Variants in CSMD1 observed in about 807,000 individuals in gnomAD.
The protein encoded by CSMD1 is CUB and Sushi multiple domains 1, also known as CUB and sushi domain-containing protein 1.
CSMD1 carries 213 observed loss-of-function variants against 417.5 expected under a neutral mutation model. That is an observed-to-expected ratio of 0.51 (90% CI 0.46 to 0.57). The LOEUF (loss-of-function observed/expected upper bound fraction) is 0.57. Among genes scored for constraint, CSMD1 ranks in the 20% least tolerant of loss-of-function variants. The probability of loss-of-function intolerance (pLI) is 0.00; values close to 1 mark genes in which losing one functional copy is unlikely to be tolerated. For missense variants in CSMD1, 6,923 were observed against 4,529.7 expected, an observed-to-expected ratio of 1.53 and a Z score of -15.17; for synonymous variants, 2,862 against 1,736.8, an observed-to-expected ratio of 1.65 and a Z score of -16.11.
intron 2 of CSMD1, among the ~76,000 whole-genome samples, chr8:4,480,301 T>G (rs1801029066): frequency 6.6e-6 from 1 of 152,000 alleles, no homozygotes; most frequent in Non-Finnish European, 1.5e-5. Context: ...TTTGCACAAA[T>G]CACTTAACCT....
Position 3,491,391 on chromosome 8 carries a change from G to C in CSMD1, c.1448+2232C>G, listed in dbSNP as rs536706104. Reference sequence around the variant, plus strand: ...CAGGATTATAGTAAAGATCAAATAAGGTAAAATGTATTATGCATTTAACAC... The same window carrying C: ...CAGGATTATAGTAAAGATCAAATAACGTAAAATGTATTATGCATTTAACAC... On this transcript the variant is annotated intron_variant, in intron 11 of 69. Transcript: ENST00000635120. Among the ~76,000 whole-genome samples the C allele has an allele frequency of 1.0e-3, 155 of 152,154 alleles. 1 individual carries two copies. The highest frequency in any genetic ancestry group is 3.4e-3 in the African/African-American group (141 of 41,512).
chr8:3,598,290 C>T (rs931203), intron 8 of CSMD1: 14,933 of 152,200 alleles, frequency 0.098, 829 homozygotes, highest in East Asian at 0.17. Context: ...CAGACCTGCT[C>T]GGCTTCCTCG....
intron 2 of CSMD1, among the ~76,000 whole-genome samples, chr8:4,573,299 T>C (rs2130664727): frequency 6.6e-6 from 1 of 152,310 alleles, no homozygotes; most frequent in East Asian, 1.9e-4. Flanking sequence ...TTGGATGGGA[T>C]TTTCGCATGG....
intron 3 of CSMD1, among the ~76,000 whole-genome samples, chr8:4,401,417 T>C (rs1804635559): frequency 6.6e-6 from 1 of 152,166 alleles, no homozygotes; most frequent in Admixed American, 6.5e-5. Flanking sequence ...ACAACTATTT[T>C]ATATTATTTG....
rs368288741 is a variant in CSMD1, at chr8:2,957,707, G to A, written c.9803C>T (p.Thr3268Ile). The change falls in exon 63 of 70, where the codon ACC (threonine) becomes ATC (isoleucine). Residue 3268 changes from threonine to isoleucine, a missense_variant. Coordinates refer to ENST00000635120, the MANE Select transcript of CSMD1 (RefSeq NM_033225.6). ...LANLTWSGIQTECIPHACRQP... is the reference protein window; with the variant it reads ...LANLTWSGIQIECIPHACRQP... ...GAAATCACACTTACGTATACATTCG[G>A]TCTGTATCCCACTCCATGTTAAATT... is the stretch of plus-strand genomic sequence containing the variant. 1.3e-6 allele frequency: 2 copies of A among 1,585,826 alleles called. No individual in the cohort carries two copies. Among genetic ancestry groups the A allele is most frequent in the Non-Finnish European group, 8.6e-7 (1 of 1,163,156 alleles).
intron 3 of CSMD1, among the ~76,000 whole-genome samples, chr8:4,120,645 A>C (rs12056743): frequency 0.16 from 24,282 of 152,250 alleles, 2,099 homozygotes; most frequent in South Asian, 0.31. Flanking sequence ...GGCCTTCTCT[A>C]GTCAGTAACT....
chr8:4,059,701 G>C (rs1395973640), intron 3 of CSMD1, among the ~76,000 whole-genome samples: 1 of 152,138 alleles, frequency 6.6e-6, no homozygotes, highest in Non-Finnish European at 1.5e-5. Context: ...AGAAGAAATG[G>C]ATAATTTCCT....
intron 3 of CSMD1, among the ~76,000 whole-genome samples, chr8:4,377,038 G>T (rs1210151413): frequency 6.6e-6 from 1 of 152,140 alleles, no homozygotes. Flanking sequence ...GGCCTCGTCG[G>T]TTTCAGATTG....
At chr8:4,151,070 C>T (rs1296981892) in intron 3 of CSMD1, among the ~76,000 whole-genome samples, 2 of 152,110 alleles carry the variant, frequency 1.3e-5, no homozygotes, top group African/African-American at 2.4e-5. Context: ...GCTAAGTTTA[C>T]GGGTGGTGCC....
intron 12 of CSMD1, among the ~76,000 whole-genome samples, chr8:3,417,454 T>G (rs893400644): frequency 6.6e-6 from 1 of 152,234 alleles, no homozygotes. Flanking sequence ...GAAAGCAATG[T>G]TGTCTAGCTT....
intron 7 of CSMD1, among the ~76,000 whole-genome samples, chr8:3,623,533 C>T (rs1436288115): frequency 6.6e-6 from 1 of 152,160 alleles, no homozygotes. Flanking sequence ...AAAATAATTA[C>T]AATGATACAA....
intron 3 of CSMD1, among the ~76,000 whole-genome samples, chr8:4,272,010 A>G (rs1263080696): frequency 6.6e-6 from 1 of 152,022 alleles, no homozygotes; most frequent in African/African-American, 2.4e-5. Flanking sequence ...TGAATACTCT[A>G]TTTTCCATCC....
At chr8:4,167,614 G>A (rs1407907134) in intron 3 of CSMD1, among the ~76,000 whole-genome samples, 2 of 152,180 alleles carry the variant, frequency 1.3e-5, no homozygotes, top group Non-Finnish European at 2.9e-5. Context: ...AAAAGGATAT[G>A]TGGGGGACAG....
intron 5 of CSMD1, among the ~76,000 whole-genome samples, chr8:3,829,734 C>G (rs1802263048): frequency 6.6e-6 from 1 of 152,270 alleles, no homozygotes; most frequent in African/African-American, 2.4e-5. Context: ...TAGCAGTTCT[C>G]AAAATTCTCA....
At chr8:4,242,259 C>T (rs145692408) in intron 3 of CSMD1, among the ~76,000 whole-genome samples, 1 of 152,072 alleles carries the variant, frequency 6.6e-6, no homozygotes, top group African/African-American at 2.4e-5. Context: ...TAAACATCAT[C>T]TTCTGTGAAT....
At chr8:3,936,750 C>G (rs550163578) in intron 5 of CSMD1, among the ~76,000 whole-genome samples, 18 of 152,300 alleles carry the variant, frequency 1.2e-4, no homozygotes, top group Admixed American at 2.6e-4. Context: ...AACATCCATT[C>G]TGCAGCCCAA....
chr8:3,673,736 A>T (rs530571150), intron 7 of CSMD1, among the ~76,000 whole-genome samples: 31 of 152,314 alleles, frequency 2.0e-4, no homozygotes, highest in Admixed American at 7.8e-4. Flanking sequence ...TTAGTCCACG[A>T]AACTATTGGA....
At chr8:3,871,058 C>G (rs1392154507) in intron 5 of CSMD1, among the ~76,000 whole-genome samples, 1 of 151,642 alleles carries the variant, frequency 6.6e-6, no homozygotes, top group Non-Finnish European at 1.5e-5. Flanking sequence ...TGTATTATTC[C>G]ATGACTTACG....
intron 1 of CSMD1, among the ~76,000 whole-genome samples, chr8:4,690,194 GT>G (rs1300712527): frequency 6.6e-6 from 1 of 152,142 alleles, no homozygotes; most frequent in Admixed American, 6.5e-5. Context: ...TGTCAGTGCA[GT>G]TTTTTCTCTT....
Sources: gnomAD v4.1 joint callset for allele counts (sites outside exome capture counted in the v4.1 genomes callset) on GRCh38, gnomAD v4.1.1 for gene constraint, MANE v1.5 for transcripts, NCBI Gene and HGNC (gene_info 2026-07-23, HGNC 2026-07-21) for gene names.